Variants in EYS observed in about 807,000 individuals in gnomAD.
EYS encodes EGF-like photoreceptor maintenance factor.
Under a neutral mutation model 282.1 loss-of-function variants are expected in EYS, and 250 were observed. The observed-to-expected ratio is 0.89, with a 90% CI of 0.80 to 0.98. EYS has a LOEUF of 0.98. EYS is among the 50% of genes least tolerant of loss of function. The probability of loss-of-function intolerance (pLI) is 0.00; values close to 1 mark genes in which losing one functional copy is unlikely to be tolerated. For missense variants in EYS, 4,016 were observed against 3,709.0 expected, an observed-to-expected ratio of 1.08 and a Z score of -2.15; for synonymous variants, 1,355 against 1,282.9, an observed-to-expected ratio of 1.06 and a Z score of -1.20.
intron 36 of EYS, among the ~76,000 whole-genome samples, chr6:63,815,108 A>G (rs961240980): frequency 6.6e-6 from 1 of 152,192 alleles, no homozygotes; most frequent in African/African-American, 2.4e-5. Context: ...GTTTGTTACT[A>G]TATCATTTTT....
intron 11 of EYS, among the ~76,000 whole-genome samples, chr6:65,309,395 TGGTGAATCAGCCAAG>T (rs947241611): frequency 1.3e-5 from 2 of 152,112 alleles, no homozygotes; most frequent in Non-Finnish European, 2.9e-5. Flanking sequence ...AGAAAAAAAT[TGGTGAATCAGCCAAG>T]GGTGATGGGA....
chr6:64,228,287 G>T (rs4482959), intron 31 of EYS, among the ~76,000 whole-genome samples: 1 of 151,866 alleles, frequency 6.6e-6, no homozygotes, highest in African/African-American at 2.4e-5. Flanking sequence ...TAATATTTAC[G>T]AATAAAATTT....
chr6:64,314,524 T>C (rs1339539075), intron 29 of EYS, among the ~76,000 whole-genome samples: 1 of 151,890 alleles, frequency 6.6e-6, no homozygotes, highest in Non-Finnish European at 1.5e-5. Context: ...ATTGACCATA[T>C]AATTGGAAGT....
At chr6:63,939,052 G>A (rs1051379248) in intron 35 of EYS, among the ~76,000 whole-genome samples, 1 of 151,818 alleles carries the variant, frequency 6.6e-6, no homozygotes, top group African/African-American at 2.4e-5. Flanking sequence ...AGAACAATAA[G>A]CTCCATGAAT....
At chr6:65,306,621 G>T (rs1435810481) in intron 11 of EYS, among the ~76,000 whole-genome samples, 1 of 150,774 alleles carries the variant, frequency 6.6e-6, no homozygotes, top group African/African-American at 2.4e-5. Context: ...TACAGAAAGA[G>T]AAATACTTGT....
At chr6:63,816,060 TG>T (rs1366598392) in intron 36 of EYS, among the ~76,000 whole-genome samples, 2 of 152,302 alleles carry the variant, frequency 1.3e-5, no homozygotes, top group South Asian at 2.1e-4. Context: ...AACTCATTTC[TG>T]GGGACCACAA....
At chr6:64,912,359 C>A in intron 16 of EYS, 125 bp downstream of exon 16, 2 of 742,842 alleles carry the variant, frequency 2.7e-6, no homozygotes, top group Non-Finnish European at 4.5e-6. Context: ...TAGATAGTCC[C>A]CTACCCACAA....
intron 30 of EYS, among the ~76,000 whole-genome samples, chr6:64,275,791 T>TA (rs200220201): frequency 3.1e-3 from 216 of 70,748 alleles, no homozygotes; most frequent in African/African-American, 8.8e-3. Flanking sequence ...CTGTGTCTAC[T>TA]AAAAAAATAA....
intron 33 of EYS, among the ~76,000 whole-genome samples, chr6:64,056,640 G>A (rs9450660): frequency 1.9e-3 from 294 of 152,236 alleles, no homozygotes; most frequent in African/African-American, 6.7e-3. Flanking sequence ...CTATTACCAC[G>A]CAAACAGGAG....
chr6:64,797,621 C>T (rs377281402), intron 22 of EYS, among the ~76,000 whole-genome samples: 1 of 152,036 alleles, frequency 6.6e-6, no homozygotes, highest in East Asian at 1.9e-4. Context: ...TAGGATTATA[C>T]TTATAAAATA....
At chr6:65,530,809 G>A (rs1218905620) in intron 2 of EYS, among the ~76,000 whole-genome samples, 1 of 152,076 alleles carries the variant, frequency 6.6e-6, no homozygotes. Context: ...ATGGCCAAAA[G>A]TTTTTAGGGC....
At chr6:65,606,179 C>T (rs1389769996) in intron 2 of EYS, among the ~76,000 whole-genome samples, 2 of 151,272 alleles carry the variant, frequency 1.3e-5, no homozygotes, top group African/African-American at 4.8e-5. Context: ...TATTCCTTAC[C>T]TTCCACATAT....
At chr6:64,440,766 A>G (rs1280130258) in intron 26 of EYS, among the ~76,000 whole-genome samples, 1 of 152,150 alleles carries the variant, frequency 6.6e-6, no homozygotes, top group Admixed American at 6.6e-5. Context: ...AAGAGCATAA[A>G]ATGTTTTCAA....
Position 65,681,088 on chromosome 6 carries a change from T to C in EYS, c.-448+26047A>G, listed in dbSNP as rs115614708. Among the ~76,000 whole-genome samples, 870 of 150,526 alleles carry C rather than the reference T, an allele frequency of 5.8e-3. 7 individuals carry two copies. Among genetic ancestry groups the C allele is most frequent in the African/African-American group, 0.02 (833 of 40,986 alleles). On this transcript the variant is annotated intron_variant, in intron 1 of 42. Coordinates refer to ENST00000503581, the MANE Select transcript of EYS (RefSeq NM_001142800.2). ...CAACTTATTAGCATATTAGAAGACT[T>C]TGGAGATTCTAAGGATTCAATTCAA...
chr6:65,680,144 T>C (rs1411233730), intron 1 of EYS, among the ~76,000 whole-genome samples: 1 of 151,152 alleles, frequency 6.6e-6, no homozygotes, highest in Non-Finnish European at 1.5e-5. Context: ...CAATATAAGT[T>C]ACATTGAAGT....
At chr6:65,188,276 C>T (rs1765559837) in intron 12 of EYS, among the ~76,000 whole-genome samples, 1 of 151,470 alleles carries the variant, frequency 6.6e-6, no homozygotes, top group South Asian at 2.1e-4. Flanking sequence ...AATAATGAGA[C>T]TGTCAATATA....
At chr6:64,913,513 A>G (rs1236179236) in intron 15 of EYS, among the ~76,000 whole-genome samples, 1 of 151,922 alleles carries the variant, frequency 6.6e-6, no homozygotes, top group Non-Finnish European at 1.5e-5. Context: ...ATGATATTAG[A>G]TTTTCTGTTT....
intron 31 of EYS, among the ~76,000 whole-genome samples, chr6:64,087,100 A>G (rs1772181426): frequency 6.6e-6 from 1 of 152,186 alleles, no homozygotes; most frequent in Admixed American, 6.5e-5. Context: ...GCTTGTAAAT[A>G]AATAGGATCC....
chr6:63,806,054 C>G lies in EYS; in HGVS notation c.7411+136G>C, dbSNP rs946524962. On this transcript the variant is annotated intron_variant, in intron 37 of 42. Coordinates refer to ENST00000503581, the MANE Select transcript of EYS (RefSeq NM_001142800.2). ...TACTTTGGACTACAGCGAACATGCTCAAGGCAGAAAACAGGAGGAGGCTGC... is the reference window on the plus strand; with the variant it reads ...TACTTTGGACTACAGCGAACATGCTGAAGGCAGAAAACAGGAGGAGGCTGC... 6.2e-5 allele frequency: 44 copies of G among 706,492 alleles called. 1 individual carries two copies. The highest frequency in any genetic ancestry group is 5.7e-4 in the South Asian group (26 of 45,628). 43.8% of individuals were successfully genotyped at this position (706,492 alleles called of 1,614,324 possible).
Sources: allele counts gnomAD v4.1 joint callset (sites outside exome capture counted in the v4.1 genomes callset), GRCh38; gene constraint gnomAD v4.1.1; transcripts MANE v1.5; gene names NCBI Gene and HGNC (gene_info 2026-07-23, HGNC 2026-07-21).